The following CADM2 variants were observed in gnomAD, a reference collection of about 807,000 sequenced individuals.
The protein encoded by CADM2 is immunoglobulin superfamily member 4D.
In CADM2, 12 loss-of-function variants were observed where a neutral mutation model predicts 49.8. The ratio of observed to expected loss-of-function variants is 0.24; its 90% CI spans 0.15 to 0.39. CADM2 has a LOEUF of 0.39. Among genes scored for constraint, CADM2 ranks in the 10% least tolerant of loss-of-function variants. CADM2 has a pLI of 1.00. For synonymous variants in CADM2, 214 were observed against 175.4 expected, an observed-to-expected ratio of 1.22 and a Z score of -1.74; for missense variants, 378 against 492.3, an observed-to-expected ratio of 0.77 and a Z score of 2.20.
intron 1 of CADM2, among the ~76,000 whole-genome samples, chr3:85,419,207 G>A (rs1020145158): frequency 6.6e-6 from 1 of 152,284 alleles, no homozygotes; most frequent in South Asian, 2.1e-4. Flanking sequence ...TGTAATCCCA[G>A]CACTTTGGGA....
chr3:85,211,046 C>A (rs980573099), intron 1 of CADM2, among the ~76,000 whole-genome samples: 1 of 152,026 alleles, frequency 6.6e-6, no homozygotes, highest in Non-Finnish European at 1.5e-5. Flanking sequence ...TTATTCATTT[C>A]TTCTAGGTTT....
rs9822395 is a variant in CADM2, at chr3:85,201,849, G to A, written c.61+242181G>A. Reference sequence around the variant, plus strand: ...TGTAATTCCAGCACTTTGGGAGGCCGAGGAGGGCGGATCACAAGGTCAAGA... The same window carrying A: ...TGTAATTCCAGCACTTTGGGAGGCCAAGGAGGGCGGATCACAAGGTCAAGA... On this transcript the variant is annotated intron_variant, in intron 1 of 9. Transcript: ENST00000383699. 4.0e-3 allele frequency among the ~76,000 whole-genome samples: 607 copies of A among 152,072 alleles called. 3 individuals carry two copies. The highest frequency in any genetic ancestry group is 0.013 in the African/African-American group (528 of 41,476).
At chr3:85,722,041 A>C (rs1382894870) in intron 1 of CADM2, among the ~76,000 whole-genome samples, 3 of 151,654 alleles carry the variant, frequency 2.0e-5, no homozygotes, top group Admixed American at 1.3e-4. Context: ...ACCTCTCAGC[A>C]AGGAAGAGGC....
At chr3:85,524,828 A>G (rs1215087755) in intron 1 of CADM2, among the ~76,000 whole-genome samples, 1 of 152,196 alleles carries the variant, frequency 6.6e-6, no homozygotes, top group Non-Finnish European at 1.5e-5. Context: ...GCTCAATATT[A>G]CATGTGTAAA....
At chr3:85,482,814 G>A (rs1007516180) in intron 1 of CADM2, among the ~76,000 whole-genome samples, 4 of 150,764 alleles carry the variant, frequency 2.7e-5, no homozygotes, top group Admixed American at 6.6e-5. Flanking sequence ...TAATGAAAAT[G>A]GAAATATTTA....
chr3:85,093,656 C>T (rs2037684810), intron 1 of CADM2, among the ~76,000 whole-genome samples: 1 of 152,052 alleles, frequency 6.6e-6, no homozygotes, highest in African/African-American at 2.4e-5. Flanking sequence ...AATAATATTT[C>T]CGAGCACTAG....
At chr3:85,921,309 CACACACACAT>C (rs1719074471) in intron 6 of CADM2, among the ~76,000 whole-genome samples, 1 of 151,806 alleles carries the variant, frequency 6.6e-6, no homozygotes, top group Non-Finnish European at 1.5e-5. Flanking sequence ...AAACTATAAA[CACACACACAT>C]ACACACACAC....
chr3:86,025,048 G>GTTT lies in CADM2; in HGVS notation c.971-40550_971-40548dup, dbSNP rs3042362. Among the ~76,000 whole-genome samples, 83 of 148,932 alleles carry GTTT rather than the reference G, an allele frequency of 5.6e-4. 1 individual carries two copies. The highest frequency in any genetic ancestry group is 3.5e-3 in the Middle Eastern group (1 of 282). The stretch of plus-strand genomic sequence containing the variant: ...CATGCACCACTATGCCTGACTAGTT[G>GTTT]TTTTTTTTTGTTTTGTTTTGTTTTG... On this transcript the variant is annotated intron_variant, in intron 8 of 9. Coordinates refer to ENST00000383699, the MANE Select transcript of CADM2 (RefSeq NM_001167675.2).
intron 1 of CADM2, among the ~76,000 whole-genome samples, chr3:85,516,260 T>C (rs1333559976): frequency 3.9e-5 from 6 of 152,178 alleles, no homozygotes; most frequent in African/African-American, 1.2e-4. Flanking sequence ...TTTGGCATAT[T>C]TTTAGGCTGT....
Position 85,014,219 on chromosome 3 carries a change from C to T in CADM2, c.61+54551C>T, listed in dbSNP as rs147490438. Among the ~76,000 whole-genome samples, 226 of 140,064 alleles carry T rather than the reference C, an allele frequency of 1.6e-3. 1 individual carries two copies. Among genetic ancestry groups the T allele is most frequent in the African/African-American group, 5.7e-3 (216 of 37,726 alleles). The allele number at this position is 140,064 out of a possible 152,430, so 91.9% of individuals were successfully genotyped here. A position where few individuals can be genotyped will look rare whatever the true frequency, so the allele number is the denominator to read the frequency against. On this transcript the variant is annotated intron_variant, in intron 1 of 9. Transcript: ENST00000383699. ...ATATACGCAGTGTAATAATGTATAT[C>T]ATATATACGCAGTGTAATAATATTG...
intron 1 of CADM2, among the ~76,000 whole-genome samples, chr3:85,303,210 G>A (rs2044141116): frequency 6.6e-6 from 1 of 151,966 alleles, no homozygotes; most frequent in Admixed American, 6.6e-5. Flanking sequence ...GCACAAAAGA[G>A]CTGTATTTGT....
intron 1 of CADM2, among the ~76,000 whole-genome samples, chr3:85,278,481 CATT>C (rs749101084): frequency 2.0e-5 from 3 of 151,402 alleles, no homozygotes; most frequent in Non-Finnish European, 3.0e-5. Flanking sequence ...TTTGACACAT[CATT>C]ATTTATCACT....
chr3:85,257,896 T>C (rs183231263), intron 1 of CADM2, among the ~76,000 whole-genome samples: 2 of 152,190 alleles, frequency 1.3e-5, no homozygotes, highest in East Asian at 3.9e-4. Flanking sequence ...TTTAGAAACA[T>C]AGTCAATGAA....
intron 1 of CADM2, among the ~76,000 whole-genome samples, chr3:85,085,119 A>C (rs150268624): frequency 1.3e-3 from 193 of 152,302 alleles, no homozygotes; most frequent in African/African-American, 4.1e-3. Flanking sequence ...GGTATGAATT[A>C]TACCATCAAC....
At chr3:85,801,201 A>AGAAGT (rs2072007626) in intron 2 of CADM2, among the ~76,000 whole-genome samples, 1 of 152,140 alleles carries the variant, frequency 6.6e-6, no homozygotes, top group African/African-American at 2.4e-5. Flanking sequence ...TTAAACTATT[A>AGAAGT]GAAGTGCACT....
At chr3:85,991,656 C>T (rs898403230) in intron 8 of CADM2, among the ~76,000 whole-genome samples, 34 of 151,894 alleles carry the variant, frequency 2.2e-4, no homozygotes, top group Admixed American at 1.1e-3. Flanking sequence ...AAAATTATTA[C>T]GAGCATCAAA....
At chr3:85,973,456 A>G (rs917655832) in intron 8 of CADM2, among the ~76,000 whole-genome samples, 1 of 151,724 alleles carries the variant, frequency 6.6e-6, no homozygotes, top group African/African-American at 2.4e-5. Context: ...AAAGTTTACC[A>G]TGAAGTTCAT....
chr3:85,031,442 G>C (rs1467245512), intron 1 of CADM2, among the ~76,000 whole-genome samples: 2 of 152,114 alleles, frequency 1.3e-5, no homozygotes, highest in Non-Finnish European at 2.9e-5. Context: ...CAGGTGTTCT[G>C]TCTAACTGTG....
chr3:84,966,142 G>A (rs994767270), intron 1 of CADM2, among the ~76,000 whole-genome samples: 51 of 152,086 alleles, frequency 3.4e-4, no homozygotes, highest in African/African-American at 1.2e-3. Context: ...AAGCATATAC[G>A]AAACCGTTTT....
Sources: gnomAD v4.1 joint callset for allele counts (sites outside exome capture counted in the v4.1 genomes callset) on GRCh38, gnomAD v4.1.1 for gene constraint, MANE v1.5 for transcripts, NCBI Gene and HGNC (gene_info 2026-07-23, HGNC 2026-07-21) for gene names.